Variants in TJP1 observed in about 807,000 individuals in gnomAD.
TJP1 encodes tight junction protein 1, also known as tight junction protein ZO-1.
TJP1 carries 43 observed loss-of-function variants against 194.2 expected under a neutral mutation model. The observed-to-expected ratio is 0.22, with a 90% CI of 0.17 to 0.29. TJP1 has a LOEUF of 0.29. Among genes scored for constraint, TJP1 ranks in the 10% least tolerant of loss-of-function variants. TJP1 has a pLI of 1.00. For synonymous variants in TJP1, 801 were observed against 779.0 expected (o/e 1.03, Z -0.47); for missense variants, 1,971 against 2,185.7 (o/e 0.90, Z 1.96).
intron 23 of TJP1, among the ~76,000 whole-genome samples, chr15:29,712,062 A>G (rs1302842397): frequency 6.6e-6 from 1 of 152,230 alleles, no homozygotes; most frequent in Non-Finnish European, 1.5e-5. Flanking sequence ...GTAACACAAA[A>G]TTCACACAAA....
In TJP1 at chr15:29,726,833, C is replaced by G; in HGVS notation, c.2259G>C (p.Lys753Asn). ...LCPESRKSAR[K>N]LYERSHKLRK... ...GAAGTTTATGAGATCGCTCGTATAACTTCCTGGCACTTTTCCGAGATTCTG... is the reference window on the plus strand; with the variant it reads ...GAAGTTTATGAGATCGCTCGTATAAGTTCCTGGCACTTTTCCGAGATTCTG... Residue 753 changes from lysine to asparagine, a missense_variant, in exon 17 of 28, where the codon AAG becomes AAC. Transcript: ENST00000614355. 6.2e-7 allele frequency: 1 copy of G among 1,614,126 alleles called. No homozygotes were observed. The highest frequency in any genetic ancestry group is 8.5e-7 in the Non-Finnish European group (1 of 1,180,038).
chr15:29,915,477 A>G (rs1259135126), intron 2 of TJP1, among the ~76,000 whole-genome samples: 1 of 152,170 alleles, frequency 6.6e-6, no homozygotes, highest in African/African-American at 2.4e-5. Context: ...CTGGAAAATC[A>G]TTGCTCTGTT....
chr15:29,928,858 C>T (rs750176958), intron 2 of TJP1, among the ~76,000 whole-genome samples: 7 of 152,162 alleles, frequency 4.6e-5, no homozygotes, highest in South Asian at 2.1e-4. Context: ...AGGAGAATGG[C>T]GTGAACCCAG....
At chr15:29,854,937 G>A (rs536997924) in intron 2 of TJP1, among the ~76,000 whole-genome samples, 2 of 152,216 alleles carry the variant, frequency 1.3e-5, no homozygotes, top group Non-Finnish European at 2.9e-5. Flanking sequence ...TTTTAATTCT[G>A]TTCAAAGAGA....
At chr15:29,955,029 G>A (rs529574941) in intron 2 of TJP1, among the ~76,000 whole-genome samples, 51 of 151,978 alleles carry the variant, frequency 3.4e-4, no homozygotes, top group Admixed American at 5.9e-4. Context: ...GCAGTGAGCC[G>A]AGATCGTGCC....
At chr15:29,735,511 T>C (rs994556565) in intron 11 of TJP1, among the ~76,000 whole-genome samples, 2 of 149,144 alleles carry the variant, frequency 1.3e-5, no homozygotes, top group East Asian at 2.0e-4. Flanking sequence ...TGTTTGAGCC[T>C]AGGTGTTTAA....
Position 29,877,286 on chromosome 15 carries a change from G to A in TJP1, c.307-76584C>T, listed in dbSNP as rs190930027. 5.3e-4 allele frequency among the ~76,000 whole-genome samples: 81 copies of A among 152,304 alleles called. 1 individual carries two copies. Among genetic ancestry groups the A allele is most frequent in the African/African-American group, 1.8e-3 (76 of 41,562 alleles). On this transcript the variant is annotated intron_variant, in intron 2 of 28. Transcript: ENST00000356107. ...GCTTGGAGTGCAGTGGCGTGATCAC[G>A]GCTTACTGCAGCCTCGACCTCCCGA... is the stretch of plus-strand genomic sequence containing the variant.
intron 23 of TJP1, among the ~76,000 whole-genome samples, 165 bp from the exon 24 acceptor site, chr15:29,711,165 C>T (rs1389829042): frequency 6.6e-6 from 1 of 151,790 alleles, no homozygotes; most frequent in African/African-American, 2.4e-5. Context: ...AAAACAGATT[C>T]GACCATTCAT....
intron 2 of TJP1, among the ~76,000 whole-genome samples, chr15:29,883,389 C>T (rs759415391): frequency 1.3e-5 from 2 of 152,218 alleles, no homozygotes; most frequent in African/African-American, 2.4e-5. Flanking sequence ...TTCCTTCTCA[C>T]TCTGCATTGT....
intron 2 of TJP1, among the ~76,000 whole-genome samples, chr15:29,891,282 T>C (rs763734688): frequency 6.6e-6 from 1 of 152,228 alleles, no homozygotes; most frequent in Non-Finnish European, 1.5e-5. Flanking sequence ...AACAGAGCTC[T>C]GAAGTCCTCC....
At chr15:29,714,537 CTTTTTT>C (rs58378713) in intron 23 of TJP1, among the ~76,000 whole-genome samples, 2 of 88,986 alleles carry the variant, frequency 2.2e-5, no homozygotes, top group East Asian at 2.9e-4. Flanking sequence ...TGCGCCCAGC[CTTTTTT>C]TTTTTTTTTT....
rs2041537154 is a variant in TJP1, at chr15:29,701,488, C to T, written c.*107G>A. ...AGTTCAAACAAATGCCTCATACTAA[C>T]AAACTGTAGTATCAACTCTAAAAAA... On this transcript the variant is annotated 3_prime_UTR_variant, in exon 28 of 28. Transcript: ENST00000614355. The T allele has an allele frequency of 1.1e-6, 1 of 875,750 alleles. No individual in the cohort carries two copies. The highest frequency in any genetic ancestry group is 1.8e-6 in the Non-Finnish European group (1 of 564,632). 54.2% of individuals were successfully genotyped at this position (875,750 alleles called of 1,614,324 possible).
chr15:29,706,555 C>T (rs917863326), intron 25 of TJP1, among the ~76,000 whole-genome samples: 2 of 152,138 alleles, frequency 1.3e-5, no homozygotes, highest in Non-Finnish European at 2.9e-5. Flanking sequence ...GAAGTTTGGA[C>T]AAGGGATACT....
intron 27 of TJP1, 29 bp from the exon 28 acceptor site, chr15:29,701,718 T>C (rs1420408144): frequency 1.3e-6 from 2 of 1,539,244 alleles, no homozygotes; most frequent in African/African-American, 2.7e-5. Flanking sequence ...TGATGTCATT[T>C]ACAGTTCAGT....
chr15:29,786,690 T>G (rs45575837), intron 2 of TJP1, among the ~76,000 whole-genome samples: 1 of 152,030 alleles, frequency 6.6e-6, no homozygotes, highest in East Asian at 1.9e-4. Context: ...TGTGTAGAGA[T>G]AGGGTCTCAC....
chr15:29,810,748 G>A (rs754102962), intron 1 of TJP1, among the ~76,000 whole-genome samples: 1 of 152,166 alleles, frequency 6.6e-6, no homozygotes, highest in Non-Finnish European at 1.5e-5. Context: ...AAGTCCTTGA[G>A]GAGAAGAGAC....
At chr15:29,877,489 G>C (rs1282933691) in intron 2 of TJP1, among the ~76,000 whole-genome samples, 2 of 152,060 alleles carry the variant, frequency 1.3e-5, no homozygotes, top group Non-Finnish European at 2.9e-5. Flanking sequence ...CCAAAGTGCT[G>C]GGATTATAAG....
intron 2 of TJP1, among the ~76,000 whole-genome samples, chr15:29,945,412 A>C (rs1444311231): frequency 6.6e-6 from 1 of 152,266 alleles, no homozygotes; most frequent in East Asian, 1.9e-4. Context: ...ACAAGTACTT[A>C]TCGAGAAGCT....
At chr15:29,933,973 CAACTT>C (rs1428473656) in intron 2 of TJP1, among the ~76,000 whole-genome samples, 2 of 152,062 alleles carry the variant, frequency 1.3e-5, no homozygotes, top group East Asian at 1.9e-4. Context: ...GGACAAAACT[CAACTT>C]AAATCAAGAA....
Sources: allele counts gnomAD v4.1 joint callset (sites outside exome capture counted in the v4.1 genomes callset), GRCh38; gene constraint gnomAD v4.1.1; transcripts MANE v1.5; gene names NCBI Gene and HGNC (gene_info 2026-07-23, HGNC 2026-07-21).